The following DRC12 variants were observed in gnomAD, a reference collection of about 807,000 sequenced individuals.
DRC12 encodes dynein regulatory complex subunit 12 homolog, also known as dynein regulatory complex protein 12.
At chr11:119,195,619 C>T in the DRC12 span, 1 of 700,074 alleles carries the variant, frequency 1.4e-6, no homozygotes, top group Non-Finnish European at 2.4e-6. Flanking sequence ...TCAGAAAAGT[C>T]AGTTCACAGT....
At chr11:119,195,470 T>C in the DRC12 span, 1 of 1,551,472 alleles carries the variant, frequency 6.4e-7, no homozygotes, top group Non-Finnish European at 8.7e-7. Context: ...TCCCTTTTTC[T>C]TTGTTTTTAG....
the DRC12 span, chr11:119,193,422 C>G: frequency 1.2e-6 from 1 of 860,228 alleles, no homozygotes; most frequent in East Asian, 2.7e-5. Context: ...GAGGAAGGGA[C>G]AGGAAGCCCG....
At chr11:119,191,529 G>A in the DRC12 span, among the ~76,000 whole-genome samples, 4 of 152,000 alleles carry the variant, frequency 2.6e-5, no homozygotes, top group East Asian at 3.9e-4. Context: ...TTCATTGGCC[G>A]GGTGCGGTGG....
chr11:119,191,141 C>T, the DRC12 span, among the ~76,000 whole-genome samples: 1 of 151,334 alleles, frequency 6.6e-6, no homozygotes, highest in Non-Finnish European at 1.5e-5. Flanking sequence ...CACTCTGTCG[C>T]CAGGCTGGAG....
At chr11:119,191,748 C>A in the DRC12 span, among the ~76,000 whole-genome samples, 1 of 151,852 alleles carries the variant, frequency 6.6e-6, no homozygotes, top group Admixed American at 6.6e-5. Flanking sequence ...GTGGAGGTTG[C>A]AGTGAGCCGA....
chr11:119,195,189 C>T, the DRC12 span: 2 of 628,786 alleles, frequency 3.2e-6, no homozygotes, highest in Non-Finnish European at 5.6e-6. Context: ...ATGCAAAATA[C>T]ACATGACAAA....
At chr11:119,191,137 G>C in the DRC12 span, among the ~76,000 whole-genome samples, 10 of 148,416 alleles carry the variant, frequency 6.7e-5, no homozygotes, top group Admixed American at 6.8e-4. Context: ...GTCTCACTCT[G>C]TCGCCAGGCT....
chr11:119,192,257 T>C, the DRC12 span, among the ~76,000 whole-genome samples: 1 of 152,158 alleles, frequency 6.6e-6, no homozygotes, highest in African/African-American at 2.4e-5. Context: ...ATTACAGGGG[T>C]GAGCCACCGC....
the DRC12 span, chr11:119,193,604 G>T: frequency 2.0e-5 from 29 of 1,439,398 alleles, no homozygotes; most frequent in African/African-American, 2.1e-4. Flanking sequence ...CCTGCCTTTG[G>T]TTCCTGCAGG....
chr11:119,194,003 ACTCT>A, the DRC12 span: 2 of 979,878 alleles, frequency 2.0e-6, no homozygotes, highest in South Asian at 1.7e-5. Context: ...CCAGCCTCTT[ACTCT>A]CTCTCTGGGT....
At chr11:119,194,530 A>T in the DRC12 span, among the ~76,000 whole-genome samples, 218 of 136,474 alleles carry the variant, frequency 1.6e-3, 4 homozygotes, top group Non-Finnish European at 2.6e-3. Context: ...AAAAAAAAAA[A>T]AAAAAAAAAA....
the DRC12 span, among the ~76,000 whole-genome samples, chr11:119,192,807 C>T: frequency 4.7e-4 from 71 of 152,172 alleles, no homozygotes; most frequent in East Asian, 1.9e-3. Flanking sequence ...CCACCACATC[C>T]GGCTAATTTT....
the DRC12 span, chr11:119,195,624 C>A: frequency 1.5e-6 from 1 of 688,648 alleles, no homozygotes; most frequent in South Asian, 1.8e-5. Context: ...AAAGTCAGTT[C>A]ACAGTCTCTT....
At chr11:119,194,835 A>C in the DRC12 span, 1 of 949,204 alleles carries the variant, frequency 1.1e-6, no homozygotes, top group Non-Finnish European at 1.6e-6. Flanking sequence ...CCCCCACCAT[A>C]CCTCCAACTC....
the DRC12 span, chr11:119,195,564 T>G: frequency 4.7e-5 from 56 of 1,200,206 alleles, no homozygotes; most frequent in Non-Finnish European, 6.7e-5. Flanking sequence ...AGCTTTAGAC[T>G]GAACCAGGAG....
the DRC12 span, chr11:119,193,463 G>T: frequency 9.6e-7 from 1 of 1,043,644 alleles, no homozygotes; most frequent in Non-Finnish European, 1.3e-6. Flanking sequence ...CTTTGGATGG[G>T]GATGCTAGCC....
At chr11:119,192,796 G>A in the DRC12 span, among the ~76,000 whole-genome samples, 33 of 152,204 alleles carry the variant, frequency 2.2e-4, no homozygotes, top group African/African-American at 3.6e-4. Context: ...ACAGGTGTGC[G>A]CCACCACATC....
the DRC12 span, among the ~76,000 whole-genome samples, chr11:119,191,971 G>A: frequency 2.3e-5 from 3 of 132,494 alleles, no homozygotes; most frequent in South Asian, 5.8e-4. Context: ...TAGCTAAACC[G>A]AAGGCCTTTT....
the DRC12 span, chr11:119,190,537 G>T: frequency 6.3e-7 from 1 of 1,582,688 alleles, no homozygotes; most frequent in Non-Finnish European, 8.6e-7. The surrounding 1 kb of genome is among the most constrained non-coding windows in gnomAD (Gnocchi z 4.2). Flanking sequence ...AGCTTTCCTT[G>T]CCCAGTAGAC....
Sources: gnomAD v4.1 joint callset for allele counts (sites outside exome capture counted in the v4.1 genomes callset) on GRCh38, gnomAD v4.1.1 for gene constraint, Gnocchi (gnomAD v3.1) non-coding constraint, MANE v1.5 for transcripts, NCBI Gene and HGNC (gene_info 2026-07-23, HGNC 2026-07-21) for gene names.